Variants in TTC39C observed in about 807,000 individuals in gnomAD.
TTC39C encodes tetratricopeptide repeat protein 39C.
In TTC39C, 33 loss-of-function variants were observed where a neutral mutation model predicts 76.3. The ratio of observed to expected loss-of-function variants is 0.43; its 90% CI spans 0.33 to 0.58. TTC39C has a LOEUF of 0.58. Among genes scored for constraint, TTC39C ranks in the 20% least tolerant of loss-of-function variants. The pLI, the probability that TTC39C is intolerant of heterozygous loss-of-function variation, is 0.04. For missense variants in TTC39C, 595 were observed against 701.4 expected (o/e 0.85, Z 1.71); for synonymous variants, 254 against 260.6 (o/e 0.97, Z 0.24).
At chr18:24,130,222 GT>G in intron 11 of TTC39C, 90 bp from the exon 12 acceptor site, 1 of 581,856 alleles carries the variant, frequency 1.7e-6, no homozygotes. Context: ...CAGAGTATGA[GT>G]CCCCCTTCCC....
In TTC39C at chr18:24,069,119, T is replaced by G. The variant is rs761385165; in HGVS notation, c.346-38T>G. 68 of 1,463,550 alleles carry G rather than the reference T, an allele frequency of 4.6e-5. No homozygotes were observed. In the East Asian group the frequency reaches 1.5e-3, roughly 32 times the overall value. 90.7% of individuals were successfully genotyped at this position (1,463,550 alleles called of 1,614,324 possible). On this transcript the variant is annotated intron_variant, in intron 3 of 13. Coordinates refer to ENST00000317571, the MANE Select transcript of TTC39C (RefSeq NM_001135993.2). ...GTTTGGGGGAACTGTCGTTGTTATG[T>G]GTGATTTATCAGTGTGGACATTCTT...
intron 6 of TTC39C, among the ~76,000 whole-genome samples, chr18:24,098,382 TTCCCTCCCTCCCTCCCTCCC>T (rs1290848656): frequency 2.3e-4 from 24 of 104,018 alleles, no homozygotes; most frequent in African/African-American, 9.3e-4. Flanking sequence ...TTTCTTTTCC[TTCCCTCCCTCCCTCCCTCCC>T]TCCCTCCCTC....
intron 12 of TTC39C, among the ~76,000 whole-genome samples, chr18:24,130,633 A>C (rs1306743641): frequency 2.6e-5 from 4 of 152,148 alleles, no homozygotes; most frequent in Non-Finnish European, 4.4e-5. Context: ...TTCAAATTAC[A>C]GTCATACATC....
intron 6 of TTC39C, among the ~76,000 whole-genome samples, chr18:24,085,247 G>A (rs898024559): frequency 1.3e-5 from 2 of 152,198 alleles, no homozygotes; most frequent in African/African-American, 2.4e-5. Context: ...ATTGTGTGCA[G>A]CAGGGCAGTG....
intron 6 of TTC39C, 86 bp from the exon 7 acceptor site, chr18:24,114,468 G>A: frequency 9.7e-7 from 1 of 1,034,698 alleles, no homozygotes; most frequent in Non-Finnish European, 1.5e-6. Flanking sequence ...AAATAACTAT[G>A]AAGGAAAAAG....
At chr18:24,090,772 A>G (rs1350977007) in intron 6 of TTC39C, among the ~76,000 whole-genome samples, 1 of 151,558 alleles carries the variant, frequency 6.6e-6, no homozygotes, top group African/African-American at 2.4e-5. Context: ...ATTGTGAAAT[A>G]AATCTTACAT....
In TTC39C at chr18:24,130,311, A is replaced by T; in HGVS notation, c.1519-2A>T. ...ATCCAATAACATTTGCATTCCTTTC[A>T]GTACTTCCAGCGAGCTGTTAAAGAT... On this transcript the variant is annotated splice_acceptor_variant, in intron 11 of 13. Transcript: ENST00000317571. LOFTEE classifies it high-confidence loss of function. The T allele has an allele frequency of 6.5e-7, 1 of 1,529,798 alleles. No homozygotes were observed. Among genetic ancestry groups the T allele is most frequent in the Non-Finnish European group, 8.9e-7 (1 of 1,119,314 alleles). The allele number at this position is 1,529,798 out of a possible 1,614,324, so 94.8% of individuals were successfully genotyped here. A position where few individuals can be genotyped will look rare whatever the true frequency, so the allele number is the denominator to read the frequency against.
At chr18:24,057,069 TC>T (rs1276024680) in intron 1 of TTC39C, among the ~76,000 whole-genome samples, 1 of 147,834 alleles carries the variant, frequency 6.8e-6, no homozygotes, top group Middle Eastern at 3.2e-3. Flanking sequence ...TTCTTGTCAC[TC>T]AGCTTCAATA....
intron 7 of TTC39C, among the ~76,000 whole-genome samples, chr18:24,116,090 G>A (rs933528061): frequency 6.6e-6 from 1 of 152,210 alleles, no homozygotes; most frequent in African/African-American, 2.4e-5. Context: ...TTTTTCCTGA[G>A]TTATTCCTGA....
intron 4 of TTC39C, among the ~76,000 whole-genome samples, chr18:24,075,758 T>C (rs2084300392): frequency 6.7e-6 from 1 of 150,078 alleles, no homozygotes; most frequent in Non-Finnish European, 1.5e-5. Flanking sequence ...TGAATTGCCA[T>C]GGGTTAACCA....
At chr18:24,019,251 A>G (rs1044650788) in intron 1 of TTC39C, among the ~76,000 whole-genome samples, 2 of 152,080 alleles carry the variant, frequency 1.3e-5, no homozygotes, top group African/African-American at 4.8e-5. Context: ...CTCCCGCTTT[A>G]ACTCTTGGCA....
At chr18:24,106,854 T>G (rs764533259) in intron 6 of TTC39C, among the ~76,000 whole-genome samples, 32 of 152,130 alleles carry the variant, frequency 2.1e-4, no homozygotes, top group Non-Finnish European at 4.3e-4. Context: ...CTGGCTAATT[T>G]TTGTATTTTT....
At position 24,029,088 on chromosome 18, in the gene TTC39C, GTGGTGT is replaced by G. The variant is rs1168755352; in HGVS notation, c.167+14053_167+14058del. On this transcript the variant is annotated intron_variant, in intron 1 of 13. Transcript: ENST00000317571. ...GAGTTGCTTGTATAAATAGATGTGTGTGGTGTTGTTGTTGTTGTTGTTGTTTTTGTG... is the reference window on the plus strand; with the variant it reads ...GAGTTGCTTGTATAAATAGATGTGTGTGTTGTTGTTGTTGTTGTTTTTGTG... Among the ~76,000 whole-genome samples, 95 of 122,750 alleles carry G rather than the reference GTGGTGT, an allele frequency of 7.7e-4. 1 individual carries two copies. Among genetic ancestry groups the G allele is most frequent in the African/African-American group, 1.2e-3 (37 of 31,306 alleles). The allele number at this position is 122,750 out of a possible 152,430, so 80.5% of individuals were successfully genotyped here.
intron 1 of TTC39C, among the ~76,000 whole-genome samples, chr18:24,028,801 C>A (rs568506507): frequency 6.6e-6 from 1 of 151,930 alleles, no homozygotes; most frequent in Non-Finnish European, 1.5e-5. Context: ...CGGCTCACTG[C>A]AACCTCTGCT....
intron 1 of TTC39C, among the ~76,000 whole-genome samples, chr18:24,049,894 C>G (rs942863328): frequency 6.6e-6 from 1 of 152,226 alleles, no homozygotes; most frequent in Non-Finnish European, 1.5e-5. Context: ...TACTTTCTCT[C>G]TTAAATATCC....
At chr18:24,032,121 A>C (rs967306723) in intron 1 of TTC39C, among the ~76,000 whole-genome samples, 2 of 151,966 alleles carry the variant, frequency 1.3e-5, no homozygotes, top group East Asian at 1.9e-4. Flanking sequence ...GCAGGGACTC[A>C]CCCCTAGAGC....
chr18:24,086,095 C>A (rs2084436234), intron 6 of TTC39C, among the ~76,000 whole-genome samples: 1 of 152,194 alleles, frequency 6.6e-6, no homozygotes, highest in Admixed American at 6.5e-5. Flanking sequence ...TACATGACTC[C>A]TTCCAATGAA....
intron 1 of TTC39C, among the ~76,000 whole-genome samples, chr18:24,029,413 T>G (rs2083641428): frequency 6.6e-6 from 1 of 152,256 alleles, no homozygotes; most frequent in Non-Finnish European, 1.5e-5. Context: ...ATGTGTGTGT[T>G]TAATCCTCAA....
At chr18:24,036,888 C>A (rs2083739105) in intron 1 of TTC39C, among the ~76,000 whole-genome samples, 1 of 152,190 alleles carries the variant, frequency 6.6e-6, no homozygotes, top group Non-Finnish European at 1.5e-5. Context: ...CCGCCTTGGC[C>A]TCCCAAAGTG....
Sources: gnomAD v4.1 joint callset for allele counts (sites outside exome capture counted in the v4.1 genomes callset) on GRCh38, gnomAD v4.1.1 for gene constraint, MANE v1.5 for transcripts, NCBI Gene and HGNC (gene_info 2026-07-23, HGNC 2026-07-21) for gene names.